Variants in WDPCP observed in about 807,000 individuals in gnomAD.
WDPCP encodes the protein WD repeat-containing and planar cell polarity effector protein fritz homolog.
In WDPCP, 71 loss-of-function variants were observed where a neutral mutation model predicts 93.1. The observed-to-expected ratio is 0.76, with a 90% confidence interval of 0.63 to 0.93. WDPCP has a LOEUF of 0.93. Among genes scored for constraint, WDPCP ranks in the 40% least tolerant of loss-of-function variants. The pLI, the probability that WDPCP is intolerant of heterozygous loss-of-function variation, is 0.00. For synonymous variants in WDPCP, 315 were observed against 315.0 expected (o/e 1.00, Z 0.00); for missense variants, 844 against 887.4 (o/e 0.95, Z 0.62).
At chr2:63,822,448 T>C (rs547265167) in intron 1 of WDPCP, among the ~76,000 whole-genome samples, 2 of 152,314 alleles carry the variant, frequency 1.3e-5, no homozygotes, top group Non-Finnish European at 2.9e-5. Context: ...TTTAAAACTT[T>C]CAAAGTATCA....
intron 14 of WDPCP, among the ~76,000 whole-genome samples, chr2:63,217,498 G>C (rs1441687035): frequency 6.6e-6 from 1 of 152,190 alleles, no homozygotes; most frequent in Non-Finnish European, 1.5e-5. Flanking sequence ...GGTTCTAACA[G>C]AGTGATCAAA....
At chr2:63,834,742 A>G in the WDPCP span, among the ~76,000 whole-genome samples, 2 of 152,332 alleles carry the variant, frequency 1.3e-5, no homozygotes, top group East Asian at 3.9e-4. Context: ...TTCCTGAAGT[A>G]GATGTCCAGA....
intron 14 of WDPCP, among the ~76,000 whole-genome samples, chr2:63,250,662 A>G (rs770223550): frequency 2.6e-4 from 39 of 152,200 alleles, no homozygotes; most frequent in Non-Finnish European, 4.1e-4. Context: ...AATGAGAAAG[A>G]TGAGGGTTGT....
chr2:63,288,874 G>T (rs1289097074), intron 13 of WDPCP, among the ~76,000 whole-genome samples: 1 of 151,882 alleles, frequency 6.6e-6, no homozygotes, highest in Admixed American at 6.6e-5. Flanking sequence ...GAAGAGTATA[G>T]GCTGGTTATT....
chr2:63,243,478 T>C (rs1574966815), intron 14 of WDPCP, among the ~76,000 whole-genome samples: 2 of 152,262 alleles, frequency 1.3e-5, no homozygotes, highest in South Asian at 2.1e-4. Flanking sequence ...AGATTGCCTG[T>C]TTACTTCATT....
chr2:63,726,446 G>A (rs1669498392), intron 2 of WDPCP, among the ~76,000 whole-genome samples: 2 of 152,164 alleles, frequency 1.3e-5, no homozygotes, highest in South Asian at 4.1e-4. Flanking sequence ...TTGGGTTACT[G>A]TAGCCCTGTA....
chr2:63,424,627 AG>A (rs1023010243), intron 9 of WDPCP, among the ~76,000 whole-genome samples: 4 of 152,232 alleles, frequency 2.6e-5, no homozygotes, highest in African/African-American at 4.8e-5. Context: ...CCAGGGTTAC[AG>A]CACACAGCTC....
chr2:63,315,224 G>C (rs1686543459), intron 12 of WDPCP, among the ~76,000 whole-genome samples: 1 of 152,086 alleles, frequency 6.6e-6, no homozygotes, highest in Non-Finnish European at 1.5e-5. Flanking sequence ...GGAAAAACAG[G>C]GCAGAACTAC....
intron 2 of WDPCP, among the ~76,000 whole-genome samples, chr2:63,689,191 T>C (rs1378030163): frequency 2.0e-5 from 3 of 152,018 alleles, no homozygotes; most frequent in Non-Finnish European, 1.5e-5. Context: ...TGTTTTGGGA[T>C]GGGGAGGGGG....
At chr2:63,366,221 C>G (rs1690894457) in intron 12 of WDPCP, among the ~76,000 whole-genome samples, 1 of 152,104 alleles carries the variant, frequency 6.6e-6, no homozygotes, top group South Asian at 2.1e-4. Flanking sequence ...GCATCACCTT[C>G]AAGGGAGCAA....
intron 3 of WDPCP, among the ~76,000 whole-genome samples, chr2:63,649,617 C>G (rs1710087381): frequency 6.6e-6 from 1 of 152,212 alleles, no homozygotes; most frequent in Admixed American, 6.5e-5. Context: ...TTCTAAGGAA[C>G]TGAATAACTG....
At chr2:63,452,307 G>C (rs79591163) in intron 6 of WDPCP, among the ~76,000 whole-genome samples, 1,538 of 152,190 alleles carry the variant, frequency 0.01, 30 homozygotes, top group East Asian at 0.049. Context: ...AACAGACAAA[G>C]AGAGAGCCAA....
intron 10 of WDPCP, among the ~76,000 whole-genome samples, chr2:63,392,936 G>A (rs551737946): frequency 2.2e-4 from 33 of 152,338 alleles, no homozygotes; most frequent in African/African-American, 7.7e-4. Context: ...TTACACTGTT[G>A]GTGGGACTGT....
chr2:63,235,423 AG>A (rs1679303295), intron 14 of WDPCP, among the ~76,000 whole-genome samples: 1 of 152,156 alleles, frequency 6.6e-6, no homozygotes, highest in South Asian at 2.1e-4. Context: ...AGATGTACAA[AG>A]AAGAACTTGT....
chr2:63,454,348 T>C (rs938321924), intron 6 of WDPCP, among the ~76,000 whole-genome samples: 4 of 151,632 alleles, frequency 2.6e-5, no homozygotes, highest in African/African-American at 9.7e-5. Flanking sequence ...CACTGAGCCC[T>C]GTTTGGGGGT....
At chr2:63,298,212 T>G (rs192587237) in intron 13 of WDPCP, among the ~76,000 whole-genome samples, 1 of 152,088 alleles carries the variant, frequency 6.6e-6, no homozygotes, top group East Asian at 1.9e-4. Context: ...AGGGGAGGGA[T>G]AGGCCCCCAT....
At chr2:63,830,924 A>C (rs757094296), upstream of WDPCP, among the ~76,000 whole-genome samples, 7 of 152,196 alleles carry the variant, frequency 4.6e-5, no homozygotes, top group Non-Finnish European at 8.8e-5. Flanking sequence ...TTTTTTTCTG[A>C]GGTTCCGACT....
At chr2:63,830,021 C>T (rs1313699706), upstream of WDPCP, among the ~76,000 whole-genome samples, 2 of 151,970 alleles carry the variant, frequency 1.3e-5, no homozygotes, top group African/African-American at 2.4e-5. Context: ...TAGTTCATTT[C>T]GTCTTTGAGC....
intron 12 of WDPCP, among the ~76,000 whole-genome samples, chr2:63,323,104 CCAA>C (rs1249247400): frequency 7.9e-5 from 12 of 152,178 alleles, no homozygotes; most frequent in African/African-American, 2.9e-4. Flanking sequence ...CTCCGGGGTC[CCAA>C]CAACAAGTTG....
Sources: allele counts gnomAD v4.1 joint callset (sites outside exome capture counted in the v4.1 genomes callset), GRCh38; gene constraint gnomAD v4.1.1; transcripts MANE v1.5; gene names NCBI Gene and HGNC (gene_info 2026-07-23, HGNC 2026-07-21).